PTPRN2: variants seen among roughly 807,000 people sequenced by gnomAD.
PTPRN2 encodes the protein receptor-type tyrosine-protein phosphatase N2.
PTPRN2 carries 74 observed loss-of-function variants against 118.8 expected under a neutral mutation model. That is an observed-to-expected ratio of 0.62 (90% CI 0.52 to 0.76). The LOEUF is 0.76. Ranked by LOEUF, PTPRN2 falls within the 30% of genes least tolerant of loss-of-function variation. PTPRN2 has a pLI of 0.00. For synonymous variants in PTPRN2, 641 were observed against 608.0 expected (o/e 1.05, Z -0.80); for missense variants, 1,481 against 1,394.4 (o/e 1.06, Z -0.99).
chr7:158,432,291 C>T (rs892897925), intron 2 of PTPRN2, among the ~76,000 whole-genome samples: 4 of 152,348 alleles, frequency 2.6e-5, no homozygotes, highest in African/African-American at 4.8e-5. Flanking sequence ...AAGCACCGGG[C>T]GCTCCAGGAT....
chr7:158,103,429 T>C (rs1257198930), intron 10 of PTPRN2, among the ~76,000 whole-genome samples: 1 of 152,132 alleles, frequency 6.6e-6, no homozygotes, highest in Admixed American at 6.5e-5. Flanking sequence ...CAGGTGAGAC[T>C]CAAAGACCAT....
At chr7:158,211,419 A>T (rs1433488312) in intron 3 of PTPRN2, among the ~76,000 whole-genome samples, 1 of 152,230 alleles carries the variant, frequency 6.6e-6, no homozygotes, top group Admixed American at 6.5e-5. Flanking sequence ...CAAAGTGAAG[A>T]GATACCCACA....
At chr7:158,402,756 G>A (rs1264104142) in intron 2 of PTPRN2, among the ~76,000 whole-genome samples, 1 of 152,196 alleles carries the variant, frequency 6.6e-6, no homozygotes, top group East Asian at 1.9e-4. Context: ...CAAGGGCCAT[G>A]GCCAGGCAGG....
At chr7:158,430,502 G>A (rs764974117) in intron 2 of PTPRN2, among the ~76,000 whole-genome samples, 1 of 152,238 alleles carries the variant, frequency 6.6e-6, no homozygotes, top group Non-Finnish European at 1.5e-5. Context: ...GGCCTCGCAC[G>A]GCTCAGCGCG....
intron 2 of PTPRN2, among the ~76,000 whole-genome samples, chr7:158,480,088 G>A (rs1163368475): frequency 6.6e-6 from 1 of 152,216 alleles, no homozygotes; most frequent in Non-Finnish European, 1.5e-5. Context: ...AGTCTGAGGA[G>A]CACGACCTTC....
intron 11 of PTPRN2, among the ~76,000 whole-genome samples, chr7:158,065,381 T>C (rs1278674164): frequency 6.6e-6 from 1 of 152,214 alleles, no homozygotes; most frequent in Non-Finnish European, 1.5e-5. Context: ...ACCGAAGACT[T>C]ACTCCAAAAT....
At chr7:158,337,762 A>G (rs1198723725) in intron 2 of PTPRN2, among the ~76,000 whole-genome samples, 3,011 of 22,656 alleles carry the variant, frequency 0.13, 5 homozygotes, top group Non-Finnish European at 0.16. Context: ...AAGAGGTGAC[A>G]CCTGCAAACG....
At chr7:157,835,674 G>T (rs1162393911) in intron 12 of PTPRN2, among the ~76,000 whole-genome samples, 1 of 152,110 alleles carries the variant, frequency 6.6e-6, no homozygotes, top group Admixed American at 6.6e-5. Flanking sequence ...TAGCCGAAGG[G>T]TGCACTGCAA....
At chr7:158,571,865 T>C (rs1828064210) in intron 1 of PTPRN2, among the ~76,000 whole-genome samples, 1 of 152,192 alleles carries the variant, frequency 6.6e-6, no homozygotes, top group Admixed American at 6.5e-5. Flanking sequence ...TTCACCAAAG[T>C]CTTATCACAC....
intron 12 of PTPRN2, among the ~76,000 whole-genome samples, chr7:157,741,178 G>A (rs1800614529): frequency 6.6e-6 from 1 of 152,200 alleles, no homozygotes; most frequent in Non-Finnish European, 1.5e-5. Context: ...CTATGGAAAA[G>A]AGCCTGGCTC....
chr7:158,133,625 T>G, intron 9 of PTPRN2, 52 bp downstream of exon 9: 12 of 1,512,018 alleles, frequency 7.9e-6, no homozygotes, highest in Non-Finnish European at 1.1e-5. Context: ...TCCAGCCTGC[T>G]GGGACAAGCC....
chr7:158,054,896 G>A (rs954197715), intron 11 of PTPRN2, among the ~76,000 whole-genome samples: 11 of 152,154 alleles, frequency 7.2e-5, no homozygotes, highest in African/African-American at 2.4e-4. Flanking sequence ...ACTGCAGCCC[G>A]CACGCCAGTG....
At chr7:158,056,014 G>A (rs1421634922) in intron 11 of PTPRN2, among the ~76,000 whole-genome samples, 4 of 152,216 alleles carry the variant, frequency 2.6e-5, no homozygotes, top group Non-Finnish European at 5.9e-5. Flanking sequence ...CCTGTGGGTG[G>A]AGTCCGGGCC....
intron 12 of PTPRN2, among the ~76,000 whole-genome samples, chr7:157,815,952 C>T (rs549521837): frequency 2.6e-5 from 4 of 152,352 alleles, no homozygotes; most frequent in African/African-American, 9.6e-5. Flanking sequence ...CCAGCACACG[C>T]CCTCTCTGGC....
At chr7:158,418,025 TCA>T (rs1156900258) in intron 2 of PTPRN2, among the ~76,000 whole-genome samples, 22 of 150,726 alleles carry the variant, frequency 1.5e-4, no homozygotes, top group African/African-American at 4.7e-4. Flanking sequence ...GCTCTAGCTC[TCA>T]GTGTCCCGCT....
Position 158,161,668 on chromosome 7 carries a change from T to A in PTPRN2, c.910+5263A>T, listed in dbSNP as rs569442837. On this transcript the variant is annotated intron_variant, in intron 6 of 22. Coordinates refer to ENST00000389418, the MANE Select transcript of PTPRN2 (RefSeq NM_002847.5). ...GGAGAAACTCTGGATGACCTTGGGT[T>A]TGGTGATGACTTTTTAAAATCCAAC... Among the ~76,000 whole-genome samples the A allele has an allele frequency of 3.1e-4, 47 of 152,298 alleles. No individual in the cohort carries two copies. In the South Asian group the frequency reaches 8.7e-3, roughly 28 times the overall value.
chr7:158,490,529 A>C (rs1312090627), intron 1 of PTPRN2, among the ~76,000 whole-genome samples: 1 of 152,196 alleles, frequency 6.6e-6, no homozygotes, highest in Non-Finnish European at 1.5e-5. Context: ...CTCCACGTCC[A>C]CGCCTGTCTT....
intron 6 of PTPRN2, among the ~76,000 whole-genome samples, chr7:158,150,733 G>C (rs1344250364): frequency 2.0e-5 from 3 of 151,936 alleles, no homozygotes; most frequent in Non-Finnish European, 2.9e-5. Context: ...GATCTGCAAA[G>C]CTCTCTTCTT....
chr7:157,717,466 G>A (rs1381673277), intron 12 of PTPRN2, among the ~76,000 whole-genome samples: 4 of 152,264 alleles, frequency 2.6e-5, no homozygotes, highest in Non-Finnish European at 5.9e-5. Flanking sequence ...TTAGTCAAAG[G>A]CTAAGCCTGC....
Sources: gnomAD v4.1 joint callset for allele counts (sites outside exome capture counted in the v4.1 genomes callset) on GRCh38, gnomAD v4.1.1 for gene constraint, MANE v1.5 for transcripts, NCBI Gene and HGNC (gene_info 2026-07-23, HGNC 2026-07-21) for gene names.